Variants in RIN3 observed in about 807,000 individuals in gnomAD.
The protein encoded by RIN3 is RAB5 interacting protein 3.
Under a neutral mutation model 76.3 loss-of-function variants are expected in RIN3, and 54 were observed. The observed-to-expected ratio is 0.71, with a 90% CI of 0.57 to 0.89. The LOEUF (loss-of-function observed/expected upper bound fraction) is 0.89, where lower values mean the gene tolerates loss of function less well. RIN3 is among the 40% of genes least tolerant of loss of function. The probability of loss-of-function intolerance (pLI) is 0.00; values close to 1 mark genes in which losing one functional copy is unlikely to be tolerated. For missense variants in RIN3, 1,256 were observed against 1,322.1 expected, an observed-to-expected ratio of 0.95 and a Z score of 0.78; for synonymous variants, 576 against 564.0, an observed-to-expected ratio of 1.02 and a Z score of -0.30.
intron 1 of RIN3, among the ~76,000 whole-genome samples, chr14:92,533,076 A>G (rs1325052127): frequency 6.6e-6 from 1 of 152,232 alleles, no homozygotes. Flanking sequence ...GGTACTAACA[A>G]CACTCAACAT....
chr14:92,587,898 A>C (rs1162838632), intron 3 of RIN3, among the ~76,000 whole-genome samples: 2 of 152,264 alleles, frequency 1.3e-5, no homozygotes, highest in Non-Finnish European at 2.9e-5. Context: ...CACAATTTGC[A>C]AGACTGGGAA....
chr14:92,684,294 C>T (rs1002612079), intron 8 of RIN3, among the ~76,000 whole-genome samples: 1 of 149,952 alleles, frequency 6.7e-6, no homozygotes, highest in Non-Finnish European at 1.5e-5. Flanking sequence ...GTAGGAGAAT[C>T]GCTTGAACGT....
intron 1 of RIN3, among the ~76,000 whole-genome samples, chr14:92,551,975 A>G (rs964035537): frequency 1.4e-4 from 21 of 152,230 alleles, no homozygotes; most frequent in Admixed American, 1.2e-3. Flanking sequence ...AGGAAGAAAT[A>G]GACCCTGAAG....
intron 7 of RIN3, among the ~76,000 whole-genome samples, chr14:92,664,662 G>A (rs1053012947): frequency 3.9e-5 from 6 of 151,960 alleles, no homozygotes; most frequent in African/African-American, 9.7e-5. Flanking sequence ...GAGCCACTGA[G>A]CCCGGCCATT....
intron 3 of RIN3, among the ~76,000 whole-genome samples, chr14:92,584,627 A>ACCC (rs1884699830): frequency 6.6e-6 from 1 of 152,040 alleles, no homozygotes; most frequent in South Asian, 2.1e-4. Context: ...GAGAGAGGGG[A>ACCC]CCAGCAGAAG....
rs1391998944 is a variant in RIN3, at chr14:92,594,640, CG to C, written c.367+17164del. 7.9e-5 allele frequency among the ~76,000 whole-genome samples: 12 copies of C among 152,104 alleles called. 1 individual carries two copies. The highest frequency in any genetic ancestry group is 1.3e-4 in the Non-Finnish European group (9 of 68,020). On this transcript the variant is annotated intron_variant, in intron 3 of 9. Coordinates refer to ENST00000216487, the MANE Select transcript of RIN3 (RefSeq NM_024832.5). ...AAATGAAAATGAAAACACAACTTAC[CG>C]AGCTTTGTAGGATGCAGTGAAAACA...
At chr14:92,545,644 G>A (rs577173793) in intron 1 of RIN3, among the ~76,000 whole-genome samples, 1 of 141,670 alleles carries the variant, frequency 7.1e-6, no homozygotes, top group Admixed American at 7.5e-5. Flanking sequence ...GCAGTGGTGC[G>A]ATCAGTGCTC....
chr14:92,622,942 G>A lies in RIN3; in HGVS notation c.440+7463G>A, dbSNP rs186553493. 2.5e-4 allele frequency among the ~76,000 whole-genome samples: 38 copies of A among 152,320 alleles called. No individual in the cohort carries two copies. The East Asian group carries it at 3.1e-3, about 12-fold the overall frequency. ...TGATTCGGATTTCGTGTTCGTTCAC[G>A]GGGAAGAATTTGTTACTATAGGATT... On this transcript the variant is annotated intron_variant, in intron 4 of 9. Coordinates refer to ENST00000216487, the MANE Select transcript of RIN3 (RefSeq NM_024832.5).
chr14:92,561,044 A>ATATATATATATATATATATATATATATAT (rs1410361225), intron 2 of RIN3, among the ~76,000 whole-genome samples: 17 of 24,372 alleles, frequency 7.0e-4, no homozygotes, highest in East Asian at 3.7e-3. Context: ...AAAAAAAAAA[A>ATATATATATATATATATATATATATATAT]ATATATATAT....
At chr14:92,644,593 G>A (rs1007664700) in intron 5 of RIN3, 1 of 152,226 alleles carries the variant, frequency 6.6e-6, no homozygotes, top group African/African-American at 2.4e-5. Context: ...TAGAGAACAG[G>A]ATTTAAATGG....
At chr14:92,668,420 T>C (rs1888182399) in intron 7 of RIN3, among the ~76,000 whole-genome samples, 1 of 152,176 alleles carries the variant, frequency 6.6e-6, no homozygotes, top group Admixed American at 6.5e-5. Flanking sequence ...CCACAGCCTG[T>C]GTAGCTGACT....
At position 92,564,136 on chromosome 14, in the gene RIN3, A is replaced by G. The variant is rs1387492477; in HGVS notation, c.249+8181A>G. On this transcript the variant is annotated intron_variant, in intron 2 of 9. Coordinates refer to ENST00000216487, the MANE Select transcript of RIN3 (RefSeq NM_024832.5). The stretch of plus-strand genomic sequence containing the variant: ...AATCCTAAAATAACAGAAGTGGAAA[A>G]GCAGATAGCTCTGAATTGTCCAGGC... Among the ~76,000 whole-genome samples the G allele has an allele frequency of 3.3e-5, 5 of 152,288 alleles. No homozygotes were observed. In the East Asian group the frequency reaches 9.6e-4, roughly 29 times the overall value.
At position 92,652,181 on chromosome 14, in the gene RIN3, G is replaced by T. The variant is rs779454113; in HGVS notation, c.1132G>T (p.Ala378Ser). The T allele has an allele frequency of 3.7e-6, 6 of 1,604,322 alleles. No individual in the cohort carries two copies. In the South Asian group the frequency reaches 4.4e-5, roughly 12 times the overall value. The change falls in exon 6 of 10, where the codon GCG (alanine) becomes TCG (serine). Residue 378 changes from alanine (A) to serine (S), a missense_variant. This residue lies in a region of RIN3 where 610 missense variants were observed against 626.4 expected (regional missense o/e 0.97). Transcript: ENST00000216487. This position sits in a 1 kb window ranked among gnomAD's most constrained non-coding sequence, Gnocchi z 6.4. ...LQQVPAPPLP[A>S]KKNLPTAPPR... is the part of the protein sequence containing the mutation. ...GCAGGTCCCCGCCCCGCCACTGCCT[G>T]CGAAGAAGAACCTTCCCACTGCCCC...
At position 92,628,979 on chromosome 14, in the gene RIN3, G is replaced by A. The variant is rs561142180; in HGVS notation, c.441-12259G>A. On this transcript the variant is annotated intron_variant, in intron 4 of 9. Transcript: ENST00000216487. Reference sequence around the variant, plus strand: ...GAGAAAAAAAAATGAAAAAGACCCTGGTCCCTTAAGTGAACCAGGCAGTGG... The same window carrying A: ...GAGAAAAAAAAATGAAAAAGACCCTAGTCCCTTAAGTGAACCAGGCAGTGG... Among the ~76,000 whole-genome samples the A allele has an allele frequency of 2.7e-4, 41 of 152,194 alleles. No homozygotes were observed. The Middle Eastern group carries it at 0.01, about 38-fold the overall frequency.
intron 1 of RIN3, among the ~76,000 whole-genome samples, chr14:92,518,420 AG>A: frequency 6.6e-6 from 1 of 152,300 alleles, no homozygotes. Context: ...CCTAGATCAC[AG>A]GGCGGGGCTA....
chr14:92,547,611 G>T (rs1020101652), intron 1 of RIN3, among the ~76,000 whole-genome samples: 3 of 151,924 alleles, frequency 2.0e-5, no homozygotes, highest in African/African-American at 7.3e-5. Flanking sequence ...GCCCAAGCTG[G>T]TCTCAAACTC....
intron 7 of RIN3, among the ~76,000 whole-genome samples, chr14:92,669,430 C>A (rs1406155602): frequency 6.6e-6 from 1 of 152,156 alleles, no homozygotes; most frequent in Non-Finnish European, 1.5e-5. Flanking sequence ...AATGCCAGGA[C>A]TGGGGAGAGC....
intron 5 of RIN3, among the ~76,000 whole-genome samples, chr14:92,649,278 G>A (rs552809290): frequency 6.6e-6 from 1 of 152,282 alleles, no homozygotes; most frequent in South Asian, 2.1e-4. Context: ...GGAAGAGTCT[G>A]GAGGTGGGCA....
intron 4 of RIN3, among the ~76,000 whole-genome samples, chr14:92,620,812 AT>A (rs1246372651): frequency 2.0e-5 from 3 of 152,232 alleles, no homozygotes; most frequent in African/African-American, 7.2e-5. Context: ...GTAATTCAGT[AT>A]CCTTAAGTTC....
Sources: gnomAD v4.1 joint callset for allele counts (sites outside exome capture counted in the v4.1 genomes callset) on GRCh38, gnomAD v4.1.1 for gene constraint, gnomAD v4.1.1 regional missense constraint, Gnocchi (gnomAD v3.1) non-coding constraint, MANE v1.5 for transcripts, NCBI Gene and HGNC (gene_info 2026-07-23, HGNC 2026-07-21) for gene names.